Variants in CTIF observed in about 807,000 individuals in gnomAD.
CTIF encodes cap binding complex dependent translation initiation factor.
Under a neutral mutation model 66.0 loss-of-function variants are expected in CTIF, and 21 were observed. The ratio of observed to expected loss-of-function variants is 0.32; its 90% CI spans 0.23 to 0.46. CTIF has a LOEUF of 0.46. Among genes scored for constraint, CTIF ranks in the 20% least tolerant of loss-of-function variants. CTIF has a pLI of 1.00. For missense variants in CTIF, 739 were observed against 812.7 expected (o/e 0.91, Z 1.10); for synonymous variants, 345 against 326.4 (o/e 1.06, Z -0.62).
intron 10 of CTIF, among the ~76,000 whole-genome samples, chr18:48,854,273 C>T (rs2069275191): frequency 2.0e-5 from 3 of 151,918 alleles, no homozygotes; most frequent in South Asian, 4.2e-4. Flanking sequence ...AGGAAGGGTC[C>T]GAGGAACAGC....
intron 3 of CTIF, among the ~76,000 whole-genome samples, chr18:48,651,516 G>C (rs918763081): frequency 1.3e-5 from 2 of 152,096 alleles, no homozygotes; most frequent in South Asian, 4.1e-4. Context: ...CAATAATAAC[G>C]GGAGACTTTA....
intron 10 of CTIF, among the ~76,000 whole-genome samples, chr18:48,843,096 C>G (rs965367132): frequency 6.6e-6 from 1 of 152,086 alleles, no homozygotes; most frequent in Non-Finnish European, 1.5e-5. Flanking sequence ...CCCACCCACC[C>G]CAAGCCCCAG....
chr18:48,768,304 G>A (rs1445631910), intron 9 of CTIF, among the ~76,000 whole-genome samples: 1 of 152,158 alleles, frequency 6.6e-6, no homozygotes, highest in East Asian at 1.9e-4. Flanking sequence ...GTTATCGGCT[G>A]TCCCCAGCTC....
rs373686942 is a variant in CTIF, at chr18:48,758,140, G to A, written c.806G>A (p.Arg269His). Residue 269 changes from arginine to histidine, a missense_variant, in exon 8 of 12, where the codon CGC (arginine) becomes CAC (histidine). By Grantham distance (29) the Arg-to-His change is conservative (BLOSUM62 0). This residue lies in a region of CTIF where 529 missense variants were observed against 520.3 expected (regional missense o/e 1.02). Transcript: ENST00000256413. ...PGDKGEAGAH[R>H]NAKETMTIEN... ...GACAAGGGGGAGGCAGGCGCACACC[G>A]CAATGCCAAAGAGACCATGACCATC... 44 of 1,613,888 alleles carry A rather than the reference G, an allele frequency of 2.7e-5. 1 individual carries two copies. The highest frequency in any genetic ancestry group is 1.3e-4 in the South Asian group (12 of 91,064).
chr18:48,855,812 G>A (rs2069315194), intron 10 of CTIF, among the ~76,000 whole-genome samples: 3 of 152,214 alleles, frequency 2.0e-5, no homozygotes, highest in Admixed American at 1.3e-4. Flanking sequence ...CCAGAACCTG[G>A]TACCTTCTTG....
At chr18:48,624,690 G>T (rs1241130269) in intron 2 of CTIF, among the ~76,000 whole-genome samples, 1 of 152,174 alleles carries the variant, frequency 6.6e-6, no homozygotes, top group Non-Finnish European at 1.5e-5. Flanking sequence ...TGAGGGGCCT[G>T]GGCCTGAACT....
chr18:48,560,226 ATTT>A (rs34752495), intron 1 of CTIF, among the ~76,000 whole-genome samples: 2 of 131,304 alleles, frequency 1.5e-5, no homozygotes. Context: ...TTTGGAGGCT[ATTT>A]TTTTTTTTTT....
At chr18:48,625,852 A>T (rs12966679) in intron 2 of CTIF, among the ~76,000 whole-genome samples, 23,207 of 152,018 alleles carry the variant, frequency 0.15, 1,910 homozygotes, top group South Asian at 0.26. Context: ...CAAATAATGG[A>T]GTTTCTTTAG....
At chr18:48,817,124 G>A (rs1285415443) in intron 9 of CTIF, 97 bp from the exon 10 acceptor site, 1 of 1,261,852 alleles carries the variant, frequency 7.9e-7, no homozygotes, top group African/African-American at 1.5e-5. Context: ...TGCTGCCCAG[G>A]AGCAGCCCCA....
intron 9 of CTIF, among the ~76,000 whole-genome samples, chr18:48,815,106 AAAAC>A (rs1214663694): frequency 3.3e-5 from 5 of 152,228 alleles, no homozygotes; most frequent in Non-Finnish European, 5.9e-5. Context: ...TCTTGCCACA[AAAAC>A]AAACAAAACA....
At chr18:48,604,080 G>A (rs1420583702) in intron 1 of CTIF, among the ~76,000 whole-genome samples, 3 of 150,596 alleles carry the variant, frequency 2.0e-5, no homozygotes, top group African/African-American at 4.9e-5. Context: ...CTGAGCTCAG[G>A]CAATCTGCCC....
At chr18:48,710,215 TCA>T (rs1327612635) in intron 6 of CTIF, among the ~76,000 whole-genome samples, 1 of 152,218 alleles carries the variant, frequency 6.6e-6, no homozygotes, top group African/African-American at 2.4e-5. Context: ...GATCTCTAAC[TCA>T]CTGTGTGGCC....
intron 1 of CTIF, among the ~76,000 whole-genome samples, chr18:48,553,633 G>A (rs2088943353): frequency 6.6e-6 from 1 of 151,802 alleles, no homozygotes; most frequent in Non-Finnish European, 1.5e-5. Context: ...AAGAGGTTGA[G>A]TGACTTTCTT....
intron 9 of CTIF, among the ~76,000 whole-genome samples, chr18:48,782,129 C>G (rs1431633788): frequency 2.0e-5 from 3 of 150,956 alleles, no homozygotes; most frequent in Non-Finnish European, 4.4e-5. Flanking sequence ...ACGGGCCCAG[C>G]CAAGTGAGCC....
At chr18:48,665,444 T>A (rs2091421057) in intron 5 of CTIF, among the ~76,000 whole-genome samples, 1 of 152,158 alleles carries the variant, frequency 6.6e-6, no homozygotes, top group African/African-American at 2.4e-5. Flanking sequence ...AAATGGCTGC[T>A]CCTTCTTTTA....
intron 1 of CTIF, among the ~76,000 whole-genome samples, chr18:48,613,954 G>C (rs1005906814): frequency 7.2e-5 from 11 of 152,176 alleles, no homozygotes; most frequent in Non-Finnish European, 1.5e-4. Context: ...CCTGCTGCTT[G>C]CCTTTTAGTT....
At chr18:48,649,282 A>G (rs111593054) in intron 3 of CTIF, among the ~76,000 whole-genome samples, 2 of 152,230 alleles carry the variant, frequency 1.3e-5, no homozygotes. Flanking sequence ...AGTCTTAGCA[A>G]ATGGCACACC....
At chr18:48,769,605 C>T (rs982450633) in intron 9 of CTIF, among the ~76,000 whole-genome samples, 1 of 152,212 alleles carries the variant, frequency 6.6e-6, no homozygotes, top group Non-Finnish European at 1.5e-5. Flanking sequence ...GGAGCTTGAC[C>T]CCTGCCCAGG....
At chr18:48,612,760 G>A (rs528424585) in intron 1 of CTIF, among the ~76,000 whole-genome samples, 11 of 152,300 alleles carry the variant, frequency 7.2e-5, no homozygotes, top group African/African-American at 2.6e-4. Context: ...CAAGGCTGCT[G>A]ATCTTACGGT....
Sources: gnomAD v4.1 joint callset for allele counts (sites outside exome capture counted in the v4.1 genomes callset) on GRCh38, gnomAD v4.1.1 for gene constraint, gnomAD v4.1.1 regional missense constraint, MANE v1.5 for transcripts, NCBI Gene and HGNC (gene_info 2026-07-23, HGNC 2026-07-21) for gene names.